The following DRC10 variants were observed in gnomAD, a reference collection of about 807,000 sequenced individuals.
The protein encoded by DRC10 is IQ domain-containing protein D.
the DRC10 span, chr12:113,207,871 T>C: frequency 1.9e-6 from 3 of 1,614,234 alleles, no homozygotes; most frequent in Non-Finnish European, 2.5e-6. Context: ...AAGGAGGACC[T>C]GGCAGAGATC....
At chr12:113,209,924 A>G in the DRC10 span, among the ~76,000 whole-genome samples, 2 of 152,220 alleles carry the variant, frequency 1.3e-5, no homozygotes, top group Non-Finnish European at 2.9e-5. Flanking sequence ...TCAGGAGTTC[A>G]AGACAAGCCT....
At chr12:113,202,848 C>T in the DRC10 span, among the ~76,000 whole-genome samples, 4 of 152,340 alleles carry the variant, frequency 2.6e-5, no homozygotes, top group East Asian at 7.7e-4. Flanking sequence ...CAGAGAAATA[C>T]ACTGCCATCT....
chr12:113,214,507 C>CAAAAAAAAAAAAAAAAA, the DRC10 span, among the ~76,000 whole-genome samples: 1 of 50,294 alleles, frequency 2.0e-5, no homozygotes, highest in Non-Finnish European at 4.2e-5. Flanking sequence ...GACTCCGTCT[C>CAAAAAAAAAAAAAAAAA]AAAAAAAAAA....
the DRC10 span, among the ~76,000 whole-genome samples, chr12:113,216,818 T>C: frequency 6.6e-6 from 1 of 152,150 alleles, no homozygotes; most frequent in Non-Finnish European, 1.5e-5. Flanking sequence ...CTGTAATCTT[T>C]GGGATTACAG....
At chr12:113,210,919 T>A in the DRC10 span, among the ~76,000 whole-genome samples, 1 of 152,152 alleles carries the variant, frequency 6.6e-6, no homozygotes, top group African/African-American at 2.4e-5. Flanking sequence ...ATGTGAGAAA[T>A]GTTTTGAAGA....
chr12:113,212,056 T>C, the DRC10 span, among the ~76,000 whole-genome samples: 1 of 148,978 alleles, frequency 6.7e-6, no homozygotes, highest in Non-Finnish European at 1.5e-5. Context: ...CAGAGCGAGA[T>C]CCTATCTCTC....
the DRC10 span, chr12:113,208,148 C>A: frequency 6.2e-7 from 1 of 1,613,202 alleles, no homozygotes; most frequent in Non-Finnish European, 8.5e-7. Flanking sequence ...GGGGCCATGG[C>A]GAGAATGTCT....
the DRC10 span, among the ~76,000 whole-genome samples, chr12:113,206,781 C>T: frequency 5.3e-5 from 8 of 151,764 alleles, no homozygotes; most frequent in Non-Finnish European, 1.0e-4. Flanking sequence ...CTGGGGAGGC[C>T]GGGCATAGTG....
At chr12:113,206,686 C>T in the DRC10 span, among the ~76,000 whole-genome samples, 1 of 151,620 alleles carries the variant, frequency 6.6e-6, no homozygotes, top group African/African-American at 2.4e-5. Flanking sequence ...ACACAGGAGG[C>T]GGAGGTTGCA....
the DRC10 span, among the ~76,000 whole-genome samples, chr12:113,219,053 T>G: frequency 6.6e-6 from 1 of 152,142 alleles, no homozygotes; most frequent in African/African-American, 2.4e-5. Flanking sequence ...TATTTATTTT[T>G]GAGACAGGGT....
the DRC10 span, chr12:113,200,726 TA>T: frequency 6.5e-7 from 1 of 1,536,198 alleles, no homozygotes; most frequent in Non-Finnish European, 8.7e-7. Context: ...GCCTCCTGCT[TA>T]GTGCGAACGA....
the DRC10 span, among the ~76,000 whole-genome samples, chr12:113,209,861 C>T: frequency 6.6e-6 from 1 of 152,248 alleles, no homozygotes; most frequent in Non-Finnish European, 1.5e-5. Context: ...CATGGTAGCT[C>T]ACACCTGTAA....
chr12:113,207,895 A>G, the DRC10 span: 2 of 1,613,960 alleles, frequency 1.2e-6, no homozygotes, highest in Non-Finnish European at 1.7e-6. Flanking sequence ...ATGCTCTCTC[A>G]CTGCCCTCAT....
the DRC10 span, among the ~76,000 whole-genome samples, chr12:113,197,796 C>G: frequency 6.6e-6 from 1 of 152,180 alleles, no homozygotes; most frequent in Admixed American, 6.5e-5. Context: ...CTTACTTGCC[C>G]AAGGTGACAG....
the DRC10 span, among the ~76,000 whole-genome samples, chr12:113,203,328 C>T: frequency 6.6e-6 from 1 of 151,500 alleles, no homozygotes; most frequent in Non-Finnish European, 1.5e-5. Flanking sequence ...CCGCCATTTC[C>T]CTTCTTAACA....
the DRC10 span, among the ~76,000 whole-genome samples, chr12:113,202,504 G>A: frequency 3.3e-5 from 5 of 152,234 alleles, no homozygotes; most frequent in African/African-American, 9.6e-5. Flanking sequence ...CAGAGAGGCT[G>A]TGGGGTAGAA....
At chr12:113,203,068 C>A in the DRC10 span, 2 of 454,008 alleles carry the variant, frequency 4.4e-6, no homozygotes, top group African/African-American at 2.0e-5. Context: ...GCTCTGCAGC[C>A]AGGCTGGAGT....
chr12:113,205,157 C>T, the DRC10 span, among the ~76,000 whole-genome samples: 4 of 151,854 alleles, frequency 2.6e-5, no homozygotes. Context: ...AGGCTGGAAC[C>T]ACATGGGCTT....
chr12:113,208,864 C>G, the DRC10 span, among the ~76,000 whole-genome samples: 6 of 152,174 alleles, frequency 3.9e-5, no homozygotes, highest in African/African-American at 1.4e-4. Context: ...AGGGACAGGG[C>G]AGAATGCAGT....
Sources: allele counts gnomAD v4.1 joint callset (sites outside exome capture counted in the v4.1 genomes callset), GRCh38; gene constraint gnomAD v4.1.1; transcripts MANE v1.5; gene names NCBI Gene and HGNC (gene_info 2026-07-23, HGNC 2026-07-21).